Variants in EXOC4 observed in about 807,000 individuals in gnomAD.
EXOC4 encodes the protein SEC8-like 1.
In EXOC4, 71 loss-of-function variants were observed where a neutral mutation model predicts 107.2. That is an observed-to-expected ratio of 0.66 (90% CI 0.55 to 0.81). EXOC4 has a LOEUF of 0.81. Ranked by LOEUF, EXOC4 falls within the 30% of genes least tolerant of loss-of-function variation. The pLI, the probability that EXOC4 is intolerant of heterozygous loss-of-function variation, is 0.00. For synonymous variants in EXOC4, 456 were observed against 441.2 expected (o/e 1.03, Z -0.42); for missense variants, 1,108 against 1,189.6 (o/e 0.93, Z 1.01).
chr7:133,627,753 C>A (rs1802491588), intron 9 of EXOC4, among the ~76,000 whole-genome samples: 1 of 152,092 alleles, frequency 6.6e-6, no homozygotes, highest in Non-Finnish European at 1.5e-5. Flanking sequence ...ATCTCTGATG[C>A]AAATATTGTA....
intron 12 of EXOC4, among the ~76,000 whole-genome samples, chr7:133,902,610 T>C (rs952309586): frequency 2.0e-5 from 3 of 152,054 alleles, no homozygotes; most frequent in Non-Finnish European, 4.4e-5. Context: ...TTCCAGCACT[T>C]TGGGAGGCCG....
chr7:133,796,832 C>T (rs924773298), intron 10 of EXOC4, among the ~76,000 whole-genome samples: 5 of 152,278 alleles, frequency 3.3e-5, no homozygotes, highest in Admixed American at 6.5e-5. Flanking sequence ...TCGAAGGCTC[C>T]TTCCCCAGTT....
chr7:133,386,052 CAG>C, intron 7 of EXOC4, among the ~76,000 whole-genome samples: 1 of 151,612 alleles, frequency 6.6e-6, no homozygotes, highest in African/African-American at 2.4e-5. Flanking sequence ...TTTACATTGA[CAG>C]ATATAATTAT....
At chr7:133,295,176 G>T (rs1354047679) in intron 3 of EXOC4, among the ~76,000 whole-genome samples, 1 of 152,066 alleles carries the variant, frequency 6.6e-6, no homozygotes, top group Non-Finnish European at 1.5e-5. Context: ...GTTGAAGTAG[G>T]GTTGGATTAA....
rs1478979983 is a variant in EXOC4, at chr7:133,329,452, A to G, written c.763+12062A>G. On this transcript the variant is annotated intron_variant, in intron 5 of 17. Coordinates refer to ENST00000253861, the MANE Select transcript of EXOC4 (RefSeq NM_021807.4). The stretch of plus-strand genomic sequence containing the variant: ...CATTCATCAAACTCATTCTCCATCC[A>G]GTTTTGTTCCCTTGCTGCTGAGGAG... Among the ~76,000 whole-genome samples, 4 of 151,954 alleles carry G rather than the reference A, an allele frequency of 2.6e-5. No individual in the cohort carries two copies. In the East Asian group the frequency reaches 5.8e-4, roughly 22 times the overall value.
At chr7:133,385,826 T>G (rs767902198) in intron 7 of EXOC4, among the ~76,000 whole-genome samples, 69 of 152,220 alleles carry the variant, frequency 4.5e-4, no homozygotes, top group Non-Finnish European at 8.8e-4. Flanking sequence ...CATCTTGACA[T>G]TTTACTTGAG....
chr7:133,919,157 T>C (rs1356930894), intron 13 of EXOC4, among the ~76,000 whole-genome samples: 1 of 152,220 alleles, frequency 6.6e-6, no homozygotes, highest in Non-Finnish European at 1.5e-5. Context: ...TCACAGTATC[T>C]GAAAGAAACT....
chr7:133,912,039 T>A (rs1178910170), intron 12 of EXOC4, among the ~76,000 whole-genome samples: 1 of 152,222 alleles, frequency 6.6e-6, no homozygotes, highest in Non-Finnish European at 1.5e-5. Context: ...AAAATATTGT[T>A]CTTTTAGTTT....
At chr7:133,786,922 A>G (rs1395028901) in intron 10 of EXOC4, among the ~76,000 whole-genome samples, 1 of 152,226 alleles carries the variant, frequency 6.6e-6, no homozygotes, top group African/African-American at 2.4e-5. Flanking sequence ...TAGAAAACAT[A>G]AGGAAGTTGA....
rs1424608631 is a variant in EXOC4, at chr7:133,564,750, T to G, written c.1418-65295T>G. On this transcript the variant is annotated intron_variant, in intron 9 of 17. Coordinates refer to ENST00000253861, the MANE Select transcript of EXOC4 (RefSeq NM_021807.4). The stretch of plus-strand genomic sequence containing the variant: ...AATATTTTTTAAGATTTGTAATGTA[T>G]GAAGCTTTTGATATGTAATATGAGA... 2.6e-5 allele frequency among the ~76,000 whole-genome samples: 4 copies of G among 152,294 alleles called. No individual in the cohort carries two copies. In the South Asian group the frequency reaches 6.2e-4, roughly 24 times the overall value.
chr7:133,477,201 C>T (rs1799036309), intron 8 of EXOC4, among the ~76,000 whole-genome samples: 3 of 152,142 alleles, frequency 2.0e-5, no homozygotes, highest in African/African-American at 7.2e-5. Flanking sequence ...TTAGAGTTCA[C>T]TCTTTGTGTT....
chr7:133,266,358 A>G (rs1396435924), intron 1 of EXOC4, among the ~76,000 whole-genome samples: 3 of 152,178 alleles, frequency 2.0e-5, no homozygotes, highest in African/African-American at 7.2e-5. Flanking sequence ...CAGAGATTCA[A>G]CATTTGAATT....
At chr7:133,947,235 T>G (rs2116772880) in intron 14 of EXOC4, among the ~76,000 whole-genome samples, 1 of 152,332 alleles carries the variant, frequency 6.6e-6, no homozygotes, top group Admixed American at 6.5e-5. Context: ...GTTTCTGGGC[T>G]TCCTACCATG....
chr7:133,259,293 C>T (rs1046600592), intron 1 of EXOC4, among the ~76,000 whole-genome samples: 14 of 145,688 alleles, frequency 9.6e-5, no homozygotes, highest in African/African-American at 3.3e-4. Context: ...AGTGCAGTGG[C>T]GCCATCTCAG....
At chr7:133,289,511 C>T (rs1794357539) in intron 3 of EXOC4, among the ~76,000 whole-genome samples, 1 of 152,198 alleles carries the variant, frequency 6.6e-6, no homozygotes, top group South Asian at 2.1e-4. Flanking sequence ...GGAATTTTTA[C>T]ATTAGGGCTT....
intron 10 of EXOC4, among the ~76,000 whole-genome samples, chr7:133,728,488 G>A (rs1360021304): frequency 6.6e-6 from 1 of 152,144 alleles, no homozygotes; most frequent in Non-Finnish European, 1.5e-5. Context: ...GAATCAAAGA[G>A]TGTCTTTCCT....
chr7:133,523,477 A>G (rs952991804), intron 9 of EXOC4, among the ~76,000 whole-genome samples: 2 of 149,586 alleles, frequency 1.3e-5, no homozygotes, highest in African/African-American at 4.9e-5. Context: ...GTTTTAGGGT[A>G]CATGTGCACA....
At chr7:134,100,490 C>G in the EXOC4 span, among the ~76,000 whole-genome samples, 1 of 127,146 alleles carries the variant, frequency 7.9e-6, no homozygotes, top group Non-Finnish European at 1.7e-5. Flanking sequence ...AGGAGAACCT[C>G]AAGCGGAAGG....
chr7:133,766,239 T>C (rs1796136690), intron 10 of EXOC4, among the ~76,000 whole-genome samples: 1 of 152,050 alleles, frequency 6.6e-6, no homozygotes, highest in Non-Finnish European at 1.5e-5. Flanking sequence ...AAAGAATACA[T>C]TGGCAAGACA....
Sources: gnomAD v4.1 joint callset for allele counts (sites outside exome capture counted in the v4.1 genomes callset) on GRCh38, gnomAD v4.1.1 for gene constraint, MANE v1.5 for transcripts, NCBI Gene and HGNC (gene_info 2026-07-23, HGNC 2026-07-21) for gene names.